Variants in BICD1 observed in about 807,000 individuals in gnomAD.
BICD1 encodes the protein protein bicaudal D homolog 1.
In BICD1, 35 loss-of-function variants were observed where a neutral mutation model predicts 92.5. The ratio of observed to expected loss-of-function variants is 0.38; its 90% CI spans 0.29 to 0.50. The LOEUF is 0.50. Ranked by LOEUF, BICD1 falls within the 20% of genes least tolerant of loss-of-function variation. The pLI is 0.93. For missense variants in BICD1, 950 were observed against 1,189.8 expected, an observed-to-expected ratio of 0.80 and a Z score of 2.97; for synonymous variants, 429 against 465.1, an observed-to-expected ratio of 0.92 and a Z score of 1.00.
At chr12:32,151,286 A>AGAC (rs1333680535) in intron 1 of BICD1, among the ~76,000 whole-genome samples, 2 of 152,186 alleles carry the variant, frequency 1.3e-5, no homozygotes, top group Non-Finnish European at 2.9e-5. Flanking sequence ...TTCTTCCAGT[A>AGAC]GACAGTCACT....
rs555410826 is a variant in BICD1, at chr12:32,355,951, T to A, written c.2765-11719T>A. 4.2e-3 allele frequency among the ~76,000 whole-genome samples: 640 copies of A among 152,320 alleles called. 2 individuals carry two copies. Among genetic ancestry groups the A allele is most frequent in the African/African-American group, 0.015 (616 of 41,572 alleles). ...GATAGACAAGAGCATTTCCGATGAA[T>A]ATAATGATAGCTTGTTGAAATGAAT... On this transcript the variant is annotated intron_variant, in intron 8 of 9. Transcript: ENST00000652176.
Position 32,335,581 on chromosome 12 carries a change from T to G in BICD1, c.2252+914T>G, listed in dbSNP as rs80047378. Among the ~76,000 whole-genome samples, 22 of 46,360 alleles carry G rather than the reference T, an allele frequency of 4.7e-4. No individual in the cohort carries two copies. The East Asian group carries it at 0.03, about 64-fold the overall frequency. 30.4% of individuals were successfully genotyped at this position (46,360 alleles called of 152,430 possible). ...CAATGCAGTGTCAAAAAAGACCTAC[T>G]TTTTTTTTTTTTTTTTTGAGATAGG... is the stretch of plus-strand genomic sequence containing the variant. On this transcript the variant is annotated intron_variant, in intron 6 of 9. Transcript: ENST00000652176.
chr12:32,111,780 C>A (rs1041048215), intron 1 of BICD1, among the ~76,000 whole-genome samples: 1 of 150,912 alleles, frequency 6.6e-6, no homozygotes, highest in African/African-American at 2.4e-5. Flanking sequence ...GCTAATTTTT[C>A]GTATTTTTAG....
intron 4 of BICD1, among the ~76,000 whole-genome samples, chr12:32,310,527 C>T (rs1199142432): frequency 6.6e-6 from 1 of 152,116 alleles, no homozygotes; most frequent in African/African-American, 2.4e-5. Context: ...ACCTAAGGAT[C>T]ATTGTTCTTT....
chr12:32,301,878 A>T (rs56880250), intron 3 of BICD1, among the ~76,000 whole-genome samples: 25,356 of 151,922 alleles, frequency 0.17, 2,716 homozygotes, highest in African/African-American at 0.3. Flanking sequence ...TGCCTGAATT[A>T]TTTATTTATT....
chr12:32,293,553 C>T lies in BICD1; in HGVS notation c.427-441C>T, dbSNP rs530500624. On this transcript the variant is annotated intron_variant, in intron 2 of 9. Transcript: ENST00000652176. Reference sequence around the variant, plus strand: ...CCATGTTGGCCAGGTTGGTCTCAAACTCCTGACCTCAGGTGATCCACCTAC... The same window carrying T: ...CCATGTTGGCCAGGTTGGTCTCAAATTCCTGACCTCAGGTGATCCACCTAC... Among the ~76,000 whole-genome samples the T allele has an allele frequency of 5.0e-4, 76 of 151,688 alleles. 1 individual carries two copies. Among genetic ancestry groups the T allele is most frequent in the Non-Finnish European group, 9.4e-4 (64 of 67,968 alleles).
At chr12:32,191,140 C>T (rs902374937) in intron 1 of BICD1, among the ~76,000 whole-genome samples, 1 of 152,072 alleles carries the variant, frequency 6.6e-6, no homozygotes, top group African/African-American at 2.4e-5. Flanking sequence ...GAAGAAAGAT[C>T]TTAAACAACC....
intron 1 of BICD1, among the ~76,000 whole-genome samples, chr12:32,159,724 G>A (rs919430159): frequency 2.6e-5 from 4 of 152,206 alleles, no homozygotes; most frequent in African/African-American, 9.6e-5. Flanking sequence ...GAGTCATCAT[G>A]TTGACCATCC....
chr12:32,265,280 C>T (rs1243140426), intron 2 of BICD1, among the ~76,000 whole-genome samples: 1 of 152,236 alleles, frequency 6.6e-6, no homozygotes, highest in South Asian at 2.1e-4. Flanking sequence ...TAATTGCTCA[C>T]AATAAAAAGC....
At chr12:32,247,364 A>G (rs184469) in intron 2 of BICD1, among the ~76,000 whole-genome samples, 50,686 of 152,002 alleles carry the variant, frequency 0.33, 9,185 homozygotes, top group Non-Finnish European at 0.42. Context: ...CAGTGAATAG[A>G]TGACATTTTA....
Position 32,327,978 on chromosome 12 carries a change from T to A in BICD1, c.1523T>A (p.Leu508Ter). 5 of 1,614,034 alleles carry A rather than the reference T, an allele frequency of 3.1e-6. No homozygotes were observed. Among genetic ancestry groups the A allele is most frequent in the Non-Finnish European group, 4.2e-6 (5 of 1,179,998 alleles). ...HSTLNTAQDE[L>*]VTFSEELAQL... ...ACCCTTAATACGGCCCAGGATGAGT[T>A]AGTGACATTCAGTGAGGAGTTAGCT... is the stretch of plus-strand genomic sequence containing the variant. The change falls in exon 5 of 10, where the codon TTA becomes TAA. Residue 508 changes from leucine to a stop codon, truncating the protein, a stop_gained. Coordinates refer to ENST00000652176, the MANE Select transcript of BICD1 (RefSeq NM_001714.4). LOFTEE classifies it high-confidence loss of function.
At chr12:32,152,789 T>C (rs1411193712) in intron 1 of BICD1, among the ~76,000 whole-genome samples, 1 of 152,228 alleles carries the variant, frequency 6.6e-6, no homozygotes, top group Non-Finnish European at 1.5e-5. Context: ...CTACTTAATA[T>C]GATAATAATA....
At chr12:32,363,125 TCTATCTTCC>T (rs1416958748) in intron 8 of BICD1, among the ~76,000 whole-genome samples, 1 of 152,200 alleles carries the variant, frequency 6.6e-6, no homozygotes, top group Non-Finnish European at 1.5e-5. Context: ...CCCTTTCTTT[TCTATCTTCC>T]CTTCTACGTG....
intron 1 of BICD1, among the ~76,000 whole-genome samples, chr12:32,213,005 C>T (rs1422048128): frequency 6.6e-6 from 1 of 152,202 alleles, no homozygotes; most frequent in Non-Finnish European, 1.5e-5. Flanking sequence ...ACCCTTGATA[C>T]AGCTTCCCCA....
chr12:32,151,892 G>C (rs1943298491), intron 1 of BICD1, among the ~76,000 whole-genome samples: 1 of 152,148 alleles, frequency 6.6e-6, no homozygotes, highest in South Asian at 2.1e-4. Context: ...AGGCTTCACA[G>C]TTCCTGAGAC....
chr12:32,366,433 A>G (rs1164162253), intron 8 of BICD1, among the ~76,000 whole-genome samples: 1 of 152,230 alleles, frequency 6.6e-6, no homozygotes, highest in Non-Finnish European at 1.5e-5. Flanking sequence ...CAGCCTGACC[A>G]ATATGGTGAA....
chr12:32,363,241 A>G (rs73303951), intron 8 of BICD1, among the ~76,000 whole-genome samples: 3,593 of 152,262 alleles, frequency 0.024, 135 homozygotes, highest in African/African-American at 0.081. Context: ...TTCCATATTC[A>G]TCCCTGCCCT....
chr12:32,355,696 G>A (rs1939068079), intron 8 of BICD1, among the ~76,000 whole-genome samples: 1 of 152,026 alleles, frequency 6.6e-6, no homozygotes, highest in Admixed American at 6.6e-5. Context: ...CAGCTACTCG[G>A]GAGGCTGAGG....
At chr12:32,149,142 T>C (rs1282576862) in intron 1 of BICD1, among the ~76,000 whole-genome samples, 1 of 152,252 alleles carries the variant, frequency 6.6e-6, no homozygotes, top group Admixed American at 6.5e-5. Context: ...CTCCTTGTGC[T>C]GAACTGCATG....
Sources: allele counts gnomAD v4.1 joint callset (sites outside exome capture counted in the v4.1 genomes callset), GRCh38; gene constraint gnomAD v4.1.1; transcripts MANE v1.5; gene names NCBI Gene and HGNC (gene_info 2026-07-23, HGNC 2026-07-21).